AGMO: variants seen among roughly 807,000 people sequenced by gnomAD.
The protein encoded by AGMO is alkylglycerol monooxygenase.
In AGMO, 75 loss-of-function variants were observed where a neutral mutation model predicts 60.2. The observed-to-expected ratio is 1.25, with a 90% confidence interval of 1.03 to 1.51. The LOEUF (loss-of-function observed/expected upper bound fraction) is 1.51, where lower values mean the gene tolerates loss of function less well. Among genes scored for constraint, AGMO ranks in the 40% most tolerant of loss-of-function variants. The probability of loss-of-function intolerance (pLI) is 0.00; values close to 1 mark genes in which losing one functional copy is unlikely to be tolerated. For missense variants in AGMO, 763 were observed against 525.5 expected, an observed-to-expected ratio of 1.45 and a Z score of -4.42; for synonymous variants, 261 against 177.1, an observed-to-expected ratio of 1.47 and a Z score of -3.76.
chr7:15,156,309 C>T, the AGMO span, among the ~76,000 whole-genome samples: 2 of 152,194 alleles, frequency 1.3e-5, no homozygotes, highest in Non-Finnish European at 2.9e-5. Context: ...CAAGCTGAGG[C>T]TGTGCAGCAA....
chr7:15,385,275 C>G (rs566808297), intron 10 of AGMO, among the ~76,000 whole-genome samples, 171 bp downstream of exon 10: 2 of 152,284 alleles, frequency 1.3e-5, no homozygotes, highest in Admixed American at 6.5e-5. Flanking sequence ...CATTCATTTA[C>G]ATTTAGTAGT....
At chr7:15,422,040 T>C (rs958187578) in intron 4 of AGMO, among the ~76,000 whole-genome samples, 1 of 151,716 alleles carries the variant, frequency 6.6e-6, no homozygotes, top group East Asian at 1.9e-4. Context: ...CCAAGTGAGA[T>C]AGGAACTGAA....
In AGMO at chr7:15,393,168, G is replaced by C. The variant is rs532804954; in HGVS notation, c.676+945C>G. On this transcript the variant is annotated intron_variant, in intron 6 of 12. Transcript: ENST00000342526. ...ACTGTTGAGTTTGGAAGAGGAAACC[G>C]CCTGTGCCCTCTGATCTGGCCTCTC... Among the ~76,000 whole-genome samples the C allele has an allele frequency of 1.5e-4, 23 of 152,186 alleles. 1 individual carries two copies. Among genetic ancestry groups the C allele is most frequent in the African/African-American group, 5.5e-4 (23 of 41,446 alleles).
the AGMO span, among the ~76,000 whole-genome samples, chr7:15,173,865 A>G: frequency 6.6e-6 from 1 of 150,900 alleles, no homozygotes; most frequent in East Asian, 1.9e-4. Context: ...GTGGGATCTA[A>G]TTTTTAGGAA....
rs575765050 is a variant in AGMO at position 15,391,323 on chromosome 7, G to A, written c.677-418C>T. Among the ~76,000 whole-genome samples, 4 of 151,956 alleles carry A rather than the reference G, an allele frequency of 2.6e-5. No homozygotes were observed. The East Asian group carries it at 7.8e-4, about 29-fold the overall frequency. On this transcript the variant is annotated intron_variant, in intron 6 of 12. Coordinates refer to ENST00000342526, the MANE Select transcript of AGMO (RefSeq NM_001004320.2). ...GATGGGATGTCTATCCTTTTTAACT[G>A]CATCTGTTTCAGGAAGGAAATTTTC... is the stretch of plus-strand genomic sequence containing the variant.
the AGMO span, among the ~76,000 whole-genome samples, chr7:15,173,940 C>G: frequency 6.6e-6 from 1 of 150,810 alleles, no homozygotes; most frequent in Non-Finnish European, 1.5e-5. Context: ...TAAAATTTTA[C>G]AAATTTCATG....
rs187166704 is a variant in AGMO at position 15,448,359 on chromosome 7, T to C, written c.410-17251A>G. 3.9e-5 allele frequency among the ~76,000 whole-genome samples: 6 copies of C among 152,296 alleles called. No homozygotes were observed. The East Asian group carries it at 5.8e-4, about 15-fold the overall frequency. On this transcript the variant is annotated intron_variant, in intron 3 of 12. Coordinates refer to ENST00000342526, the MANE Select transcript of AGMO (RefSeq NM_001004320.2). ...GCCATATGAGTTTACAATGAGAAGATGGTCATCTATGGACCAGGAAGTGGG... is the reference window on the plus strand; with the variant it reads ...GCCATATGAGTTTACAATGAGAAGACGGTCATCTATGGACCAGGAAGTGGG...
intron 12 of AGMO, among the ~76,000 whole-genome samples, chr7:15,356,818 A>T (rs895987589): frequency 6.6e-6 from 1 of 151,956 alleles, no homozygotes; most frequent in Non-Finnish European, 1.5e-5. Flanking sequence ...CTTTATAAAA[A>T]TATTAGGGCC....
At chr7:15,236,017 T>A (rs1356726479) in intron 12 of AGMO, among the ~76,000 whole-genome samples, 2 of 152,088 alleles carry the variant, frequency 1.3e-5, no homozygotes, top group East Asian at 1.9e-4. Flanking sequence ...CAAGAGCAAG[T>A]TTAAAATACA....
At chr7:15,225,217 G>A (rs1782042075) in intron 12 of AGMO, among the ~76,000 whole-genome samples, 1 of 151,860 alleles carries the variant, frequency 6.6e-6, no homozygotes, top group Non-Finnish European at 1.5e-5. Flanking sequence ...TAACAATTGT[G>A]TAGTGTTCGA....
intron 12 of AGMO, among the ~76,000 whole-genome samples, chr7:15,291,467 T>C (rs898276161): frequency 9.9e-5 from 15 of 152,208 alleles, no homozygotes; most frequent in African/African-American, 3.4e-4. Context: ...ATTTGTAATA[T>C]GAAATTTTTT....
At chr7:15,553,712 A>C (rs1785045275) in intron 2 of AGMO, among the ~76,000 whole-genome samples, 1 of 151,374 alleles carries the variant, frequency 6.6e-6, no homozygotes. Context: ...TTGTAAAAAA[A>C]TACATAAATA....
At chr7:15,157,992 T>C in the AGMO span, among the ~76,000 whole-genome samples, 1 of 152,204 alleles carries the variant, frequency 6.6e-6, no homozygotes, top group African/African-American at 2.4e-5. Context: ...ATCCCATTTT[T>C]ATTTTCAGGG....
chr7:15,151,532 GA>G, the AGMO span, among the ~76,000 whole-genome samples: 125 of 152,136 alleles, frequency 8.2e-4, no homozygotes, highest in South Asian at 2.7e-3. Context: ...TAGTTTTAAA[GA>G]ATTTTTTTCT....
chr7:15,439,300 G>A (rs370088353), intron 3 of AGMO, among the ~76,000 whole-genome samples: 33 of 152,286 alleles, frequency 2.2e-4, no homozygotes, highest in African/African-American at 7.2e-4. Context: ...GGGAGGCTGA[G>A]GCAGGATAAT....
intron 12 of AGMO, among the ~76,000 whole-genome samples, chr7:15,223,729 T>C (rs1004592200): frequency 6.6e-6 from 1 of 151,984 alleles, no homozygotes; most frequent in Non-Finnish European, 1.5e-5. Flanking sequence ...TACATAATTT[T>C]TCCTATATCT....
chr7:15,352,346 T>A (rs1782272628), intron 12 of AGMO, among the ~76,000 whole-genome samples: 1 of 152,156 alleles, frequency 6.6e-6, no homozygotes, highest in Admixed American at 6.5e-5. Flanking sequence ...TTTTACCGCC[T>A]GAAACTGCAG....
chr7:15,241,677 T>C (rs545230406), intron 12 of AGMO, among the ~76,000 whole-genome samples: 102 of 151,944 alleles, frequency 6.7e-4, no homozygotes, highest in Non-Finnish European at 1.2e-3. Context: ...TGACTGTGAG[T>C]TTCCCCAAAA....
chr7:15,539,269 AT>A (rs1032068242), intron 3 of AGMO, among the ~76,000 whole-genome samples: 12 of 151,956 alleles, frequency 7.9e-5, no homozygotes, highest in African/African-American at 2.9e-4. Context: ...CCTGATAGGT[AT>A]TTTTTTGTGA....
Sources: gnomAD v4.1 joint callset for allele counts (sites outside exome capture counted in the v4.1 genomes callset) on GRCh38, gnomAD v4.1.1 for gene constraint, MANE v1.5 for transcripts, NCBI Gene and HGNC (gene_info 2026-07-23, HGNC 2026-07-21) for gene names.